Variants in TTN observed in about 807,000 individuals in gnomAD.
TTN encodes connectin.
In TTN, 1,525 loss-of-function variants were observed where a neutral mutation model predicts 3,223.0. The ratio of observed to expected loss-of-function variants is 0.47; its 90% CI spans 0.45 to 0.49. The LOEUF (loss-of-function observed/expected upper bound fraction) is 0.49, where lower values mean the gene tolerates loss of function less well. TTN is among the 20% of genes least tolerant of loss of function. The pLI is 0.00. For synonymous variants in TTN, 14,094 were observed against 15,161.0 expected (o/e 0.93, Z 5.17); for missense variants, 40,786 against 43,424.0 (o/e 0.94, Z 5.40).
chr2:178,780,062 C>T lies in TTN; in HGVS notation c.3667G>A (p.Ala1223Thr). ...TTGGCCATTTTCTTCCTAATTAAGG[C>T]TTGTTCTTTTTCATACTCTTTTTCA... ...EYEKEYEKEQ[A>T]LIRKKMAKDT... The change falls in exon 22 of 363, where the codon GCC becomes ACC. Residue 1223 changes from alanine to threonine, a missense_variant. Transcript: ENST00000589042. The T allele has an allele frequency of 6.2e-7, 1 of 1,613,706 alleles. No individual in the cohort carries two copies. Among genetic ancestry groups the T allele is most frequent in the South Asian group, 1.1e-5 (1 of 91,076 alleles).
Position 178,740,959 on chromosome 2 carries a change from G to A in TTN, c.12274C>T (p.Leu4092=). 3 of 1,613,942 alleles carry A rather than the reference G, an allele frequency of 1.9e-6. No homozygotes were observed. Among genetic ancestry groups the A allele is most frequent in the Non-Finnish European group, 2.5e-6 (3 of 1,179,850 alleles). ...AALITEENQQ[L]SYEHIAKANE... ...GCTTTAGCAATATGCTCATAAGATA[G>A]TTGCTGGTTTTCTTCTGTAATTAAA... The change falls in exon 48 of 363, where the codon CTA becomes TTA. Residue 4092 remains leucine (L), a synonymous_variant. Coordinates refer to ENST00000589042, the MANE Select transcript of TTN (RefSeq NM_001267550.2).
chr2:178,794,235 A>T (rs908665754), intron 8 of TTN, among the ~76,000 whole-genome samples, 164 bp downstream of exon 8: 1 of 152,148 alleles, frequency 6.6e-6, no homozygotes, highest in African/African-American at 2.4e-5. Context: ...ATCTCCGACC[A>T]CCTTTTGCTC....
Position 178,607,239 on chromosome 2 carries a change from G to T in TTN, c.53363C>A (p.Pro17788Gln), listed in dbSNP as rs1456305922. The T allele has an allele frequency of 1.2e-6, 2 of 1,612,804 alleles. No homozygotes were observed. Among genetic ancestry groups the T allele is most frequent in the South Asian group, 2.2e-5 (2 of 91,034 alleles). ...TATTTCACTTCCTCCATCATCTTCTGGATCAGACCAGTTAAGTAGACACAT... is the reference window on the plus strand; with the variant it reads ...TATTTCACTTCCTCCATCATCTTCTTGATCAGACCAGTTAAGTAGACACAT... Reference protein sequence around the residue: ...RKMCLLNWSDPEDDGGSEITG... With the variant: ...RKMCLLNWSDQEDDGGSEITG... Residue 17788 changes from proline to glutamine, a missense_variant, in exon 278 of 363, where the codon CCA becomes CAA. Physicochemically the swap from Pro to Gln is moderately conservative, Grantham distance 76 (BLOSUM62 -1). Transcript: ENST00000589042.
In TTN at chr2:178,672,006, ACTT is replaced by A. The variant is rs1348719464; in HGVS notation, c.35189_35191del (p.Glu11730del). The A allele has an allele frequency of 1.4e-5, 23 of 1,606,522 alleles. No homozygotes were observed. Among genetic ancestry groups the A allele is most frequent in the Non-Finnish European group, 1.9e-5 (22 of 1,177,858 alleles). On this transcript the variant is annotated inframe_deletion, in exon 155 of 363. Coordinates refer to ENST00000589042, the MANE Select transcript of TTN (RefSeq NM_001267550.2). ...AGCTTTTGGTTTTTCAAATACTTCC[ACTT>A]CTTCAGCCTCAAAAACTTCTATTAC...
At chr2:178,768,301 A>G (rs1005965593) in intron 38 of TTN, 146 bp from the exon 39 acceptor site, 2 of 1,145,800 alleles carry the variant, frequency 1.7e-6, no homozygotes, top group Non-Finnish European at 2.5e-6. Context: ...ATAATTTTAG[A>G]ACATTCTCAT....
At chr2:178,707,912 T>A in intron 99 of TTN, 99 bp from the exon 100 acceptor site, 1 of 1,236,016 alleles carries the variant, frequency 8.1e-7, no homozygotes, top group Non-Finnish European at 1.1e-6. Context: ...CTCTAACAGG[T>A]AACACTGTTG....
Position 178,593,967 on chromosome 2 carries a change from C to A in TTN, c.58426G>T (p.Val19476Phe). 6.2e-7 allele frequency: 1 copy of A among 1,613,370 alleles called. No homozygotes were observed. The highest frequency in any genetic ancestry group is 8.5e-7 in the Non-Finnish European group (1 of 1,179,630). Residue 19476 changes from valine (V) to phenylalanine (F), a missense_variant, in exon 297 of 363, where the codon GTT becomes TTT. Physicochemically the swap from Val to Phe is conservative, Grantham distance 50 (BLOSUM62 -1). Coordinates refer to ENST00000589042, the MANE Select transcript of TTN (RefSeq NM_001267550.2). The part of the protein sequence containing the change: ...GSRKGFCQVN[V>F]VDRPGPPVGP... ...TCCACTAAATAAGACTTACCAACAA[C>A]ATTAACTTGACAGAAACCTTTCCTA...
At chr2:178,683,908 T>G in intron 133 of TTN, 91 bp downstream of exon 133, 1 of 950,758 alleles carries the variant, frequency 1.1e-6, no homozygotes, top group Admixed American at 3.1e-5. Context: ...TACTATGTCT[T>G]TTTTTTTCTA....
At position 178,636,924 on chromosome 2, in the gene TTN, G is replaced by C; in HGVS notation, c.40928-125C>G. On this transcript the variant is annotated intron_variant, in intron 224 of 362. Coordinates refer to ENST00000589042, the MANE Select transcript of TTN (RefSeq NM_001267550.2). This position sits in a 1 kb window ranked among gnomAD's most constrained non-coding sequence, Gnocchi z 4.3. ...AGAAGACGAGAAAACTAAAGACCAG[G>C]CAATTGAAAGGCCAATTGAGTTTAT... 1 of 1,085,470 alleles carries C rather than the reference G, an allele frequency of 9.2e-7. No individual in the cohort carries two copies. The highest frequency in any genetic ancestry group is 1.3e-6 in the Non-Finnish European group (1 of 790,234). The allele number at this position is 1,085,470 out of a possible 1,614,324, so 67.2% of individuals were successfully genotyped here. A position where few individuals can be genotyped will look rare whatever the true frequency, so the allele number is the denominator to read the frequency against.
In TTN at chr2:178,790,132, A is replaced by G. The variant is rs2154353687; in HGVS notation, c.1801-17T>C. On this transcript the variant is annotated splice_polypyrimidine_tract_variant and intron_variant, in intron 11 of 362. Transcript: ENST00000589042. ...CTTCATTATCTGATCATACAAAAGA[A>G]AGTAAGAAAATAGTCATTAAATTCC... The G allele has an allele frequency of 1.2e-6, 2 of 1,609,458 alleles. No homozygotes were observed. Among genetic ancestry groups the G allele is most frequent in the South Asian group, 1.1e-5 (1 of 90,148 alleles).
At chr2:178,748,930 A>T in intron 47 of TTN, 1 of 1,612,544 alleles carries the variant, frequency 6.2e-7, no homozygotes, top group Non-Finnish European at 8.5e-7. Flanking sequence ...CTTTGTCATC[A>T]ATCTTCTTTT....
Position 178,684,779 on chromosome 2 carries a change from C to T in TTN, c.32555-30G>A, listed in dbSNP as rs760331346. 4 of 1,600,660 alleles carry T rather than the reference C, an allele frequency of 2.5e-6. No homozygotes were observed. The South Asian group carries it at 4.5e-5, about 18-fold the overall frequency. On this transcript the variant is annotated intron_variant, in intron 130 of 362. Coordinates refer to ENST00000589042, the MANE Select transcript of TTN (RefSeq NM_001267550.2). ...AAAGATACCAGGCAATACCATCAAA[C>T]ATACGATATGGAAAACACTAAACAC...
Position 178,617,985 on chromosome 2 carries a change from T to G in TTN, c.47366A>C (p.Glu15789Ala). 6.2e-7 allele frequency: 1 copy of G among 1,612,660 alleles called. No individual in the cohort carries two copies. Among genetic ancestry groups the G allele is most frequent in the Non-Finnish European group, 8.5e-7 (1 of 1,179,120 alleles). ...TAATTCAATGACGTAGTTTGTGATC[T>G]CAGCACCTCCATCATACTCTGGTGG... ...WEPPEYDGGA[E>A]ITNYVIELRD... The change falls in exon 253 of 363, where the codon GAG becomes GCG. Residue 15789 changes from glutamate to alanine, a missense_variant. Glu to Ala is a moderately radical substitution (Grantham distance 107). Coordinates refer to ENST00000589042, the MANE Select transcript of TTN (RefSeq NM_001267550.2).
chr2:178,752,698 A>G (rs17355623), intron 47 of TTN, among the ~76,000 whole-genome samples: 5,640 of 152,184 alleles, frequency 0.037, 272 homozygotes, highest in South Asian at 0.16. Context: ...CAACCTCAGT[A>G]AAGTAGCATT....
chr2:178,543,917 T>C lies in TTN; in HGVS notation c.96227A>G (p.Asn32076Ser), dbSNP rs373289373. The C allele has an allele frequency of 5.6e-6, 9 of 1,613,628 alleles. No homozygotes were observed. The African/African-American group carries it at 1.2e-4, about 22-fold the overall frequency. ...SYSLLIVDKVNRYDAGKYTIE... is the reference protein window; with the variant it reads ...SYSLLIVDKVSRYDAGKYTIE... Reference sequence around the variant, plus strand: ...TGTGTATTTTCCAGCATCGTACCGATTAACTTTGTCCACTATTAGCAATGA... The same window carrying C: ...TGTGTATTTTCCAGCATCGTACCGACTAACTTTGTCCACTATTAGCAATGA... Residue 32076 changes from asparagine (N) to serine (S), a missense_variant, in exon 346 of 363, where the codon AAT becomes AGT. Asn to Ser is a conservative substitution (Grantham distance 46). Coordinates refer to ENST00000589042, the MANE Select transcript of TTN (RefSeq NM_001267550.2).
In TTN at chr2:178,553,110, C is replaced by A. The variant is rs757581772; in HGVS notation, c.89790G>T (p.Val29930=). ...TCTGGCAGGCAGCTGGTGTGTCAAG[C>A]ACTTTAACACTCACAGTTGAAGACT... ...EPKSSTVSVK[V]LDTPAACQKL... The change falls in exon 335 of 363, where the codon GTG becomes GTT. Residue 29930 remains valine, a synonymous_variant. Coordinates refer to ENST00000589042, the MANE Select transcript of TTN (RefSeq NM_001267550.2). 1 of 1,610,782 alleles carries A rather than the reference C, an allele frequency of 6.2e-7. No individual in the cohort carries two copies. Among genetic ancestry groups the A allele is most frequent in the East Asian group, 2.2e-5 (1 of 44,812 alleles).
chr2:178,667,860 G>A (rs997477031), intron 159 of TTN, 139 bp from the exon 160 acceptor site: 4 of 585,586 alleles, frequency 6.8e-6, no homozygotes, highest in African/African-American at 1.9e-5. Context: ...TGGCTAGAAT[G>A]CATTGGCTGG....
intron 121 of TTN, 40 bp downstream of exon 121, chr2:178,691,975 AC>A: frequency 6.4e-7 from 1 of 1,554,340 alleles, no homozygotes; most frequent in Non-Finnish European, 8.8e-7. Flanking sequence ...AAAGGCTGGC[AC>A]TTGGAGCAAA....
chr2:178,606,978 GC>G (rs2055045956), intron 278 of TTN, 42 bp downstream of exon 278: 1 of 1,570,298 alleles, frequency 6.4e-7, no homozygotes, highest in Admixed American at 2.2e-5. Context: ...ATAACTAGAA[GC>G]AAAACATTAC....
Sources: allele counts gnomAD v4.1 joint callset (sites outside exome capture counted in the v4.1 genomes callset), GRCh38; gene constraint gnomAD v4.1.1; non-coding constraint Gnocchi (gnomAD v3.1); transcripts MANE v1.5; gene names NCBI Gene and HGNC (gene_info 2026-07-23, HGNC 2026-07-21).